OLFM1: variants seen among roughly 807,000 people sequenced by gnomAD.
OLFM1 encodes olfactomedin 1, also known as noelin.
In OLFM1, 9 loss-of-function variants were observed where a neutral mutation model predicts 49.7. The observed-to-expected ratio is 0.18, with a 90% CI of 0.11 to 0.32. OLFM1 has a LOEUF of 0.32. OLFM1 is among the 10% of genes least tolerant of loss of function. The pLI is 1.00. For synonymous variants in OLFM1, 240 were observed against 271.8 expected, an observed-to-expected ratio of 0.88 and a Z score of 1.15; for missense variants, 369 against 661.8, an observed-to-expected ratio of 0.56 and a Z score of 4.85.
Position 135,087,793 on chromosome 9 carries a change from C to T in OLFM1, c.-197C>T. On this transcript the variant is annotated 5_prime_UTR_variant, in exon 1 of 6. Transcript: ENST00000371793. ...GGGCAGAGGCCACCTGGCCACCTTCCCTGGCGCCCGGGGAAGGCGCGGCGA... is the reference window on the plus strand; with the variant it reads ...GGGCAGAGGCCACCTGGCCACCTTCTCTGGCGCCCGGGGAAGGCGCGGCGA... 1.5e-6 allele frequency: 1 copy of T among 686,286 alleles called. No homozygotes were observed. Among genetic ancestry groups the T allele is most frequent in the Non-Finnish European group, 1.8e-6 (1 of 559,422 alleles). 42.5% of individuals were successfully genotyped at this position (686,286 alleles called of 1,614,324 possible).
intron 1 of OLFM1, chr9:135,076,274 C>A: frequency 6.4e-7 from 1 of 1,550,532 alleles, no homozygotes; most frequent in Non-Finnish European, 8.7e-7. Context: ...GCTCCAGAAA[C>A]AGGCGGTGGG....
chr9:135,075,868 A>G (rs1297389610), intron 1 of OLFM1: 8 of 1,496,740 alleles, frequency 5.3e-6, no homozygotes, highest in Non-Finnish European at 7.2e-6. Flanking sequence ...GGAGCCCCAC[A>G]AAGTCCGGGA....
At chr9:135,096,941 A>G (rs1339162859) in intron 3 of OLFM1, among the ~76,000 whole-genome samples, 2 of 152,242 alleles carry the variant, frequency 1.3e-5, no homozygotes, top group African/African-American at 4.8e-5. Flanking sequence ...GCAGCCAGGT[A>G]GAGAGATGCC....
intron 5 of OLFM1, among the ~76,000 whole-genome samples, chr9:135,116,435 A>C (rs980857751): frequency 3.9e-5 from 6 of 152,158 alleles, no homozygotes; most frequent in Non-Finnish European, 7.3e-5. Flanking sequence ...CTGGAAGAGA[A>C]GGTGATTTAA....
intron 1 of OLFM1, among the ~76,000 whole-genome samples, chr9:135,081,848 G>A (rs888548651): frequency 3.9e-4 from 59 of 152,176 alleles, no homozygotes; most frequent in African/African-American, 1.0e-3. Flanking sequence ...TAAACTGCCC[G>A]ACACGTGCAC....
upstream of OLFM1, chr9:135,087,394 G>A: frequency 2.6e-6 from 4 of 1,546,740 alleles, no homozygotes; most frequent in Non-Finnish European, 3.5e-6. Context: ...CCCCGGGACG[G>A]GAGGGCCGCG....
At position 135,097,694 on chromosome 9, in the gene OLFM1, A is replaced by G. The variant is rs975739189; in HGVS notation, c.457-592A>G. 4 of 1,079,810 alleles carry G rather than the reference A, an allele frequency of 3.7e-6. No homozygotes were observed. In the African/African-American group the frequency reaches 4.6e-5, roughly 13 times the overall value. 66.9% of individuals were successfully genotyped at this position (1,079,810 alleles called of 1,614,324 possible). On this transcript the variant is annotated intron_variant, in intron 3 of 5. Coordinates refer to ENST00000371793, the MANE Select transcript of OLFM1 (RefSeq NM_001282611.2). ...TACAGTGGGATTTTTCTAACTGACCATGCAAATATGTGTTTCCTGATGGCT... is the reference window on the plus strand; with the variant it reads ...TACAGTGGGATTTTTCTAACTGACCGTGCAAATATGTGTTTCCTGATGGCT...
At chr9:135,106,930 G>T in intron 5 of OLFM1, 75 bp downstream of exon 5, 1 of 1,217,038 alleles carries the variant, frequency 8.2e-7, no homozygotes, top group African/African-American at 1.5e-5. Flanking sequence ...CCCAGACATG[G>T]GTACAAGCCA....
At chr9:135,092,149 G>C (rs1830725618) in intron 2 of OLFM1, among the ~76,000 whole-genome samples, 1 of 152,214 alleles carries the variant, frequency 6.6e-6, no homozygotes, top group Non-Finnish European at 1.5e-5. Flanking sequence ...GACCCGACTC[G>C]GGTCCACATT....
Position 135,088,518 on chromosome 9 carries a change from T to TCACA in OLFM1, c.150+381_150+384dup, listed in dbSNP as rs1830633609. On this transcript the variant is annotated intron_variant, in intron 1 of 5. Coordinates refer to ENST00000371793, the MANE Select transcript of OLFM1 (RefSeq NM_001282611.2). This position sits in a 1 kb window ranked among gnomAD's most constrained non-coding sequence, Gnocchi z 4.8. ...TGGGGACTTGGGGACTTGTCCAAGG[T>TCACA]CACACTCAGCGAGTGAGGGGTGGAG... Among the ~76,000 whole-genome samples the TCACA allele has an allele frequency of 6.6e-6, 1 of 151,940 alleles. No individual in the cohort carries two copies. The highest frequency in any genetic ancestry group is 2.1e-4 in the South Asian group (1 of 4,818).
chr9:135,106,037 C>T (rs1830938127), intron 4 of OLFM1: 1 of 152,550 alleles, frequency 6.6e-6, no homozygotes, highest in Non-Finnish European at 1.5e-5. Flanking sequence ...GGGTGTGTCC[C>T]TCCTCACCTC....
intron 1 of OLFM1, among the ~76,000 whole-genome samples, chr9:135,078,240 G>A (rs78284424): frequency 0.02 from 3,068 of 152,322 alleles, 99 homozygotes; most frequent in African/African-American, 0.07. Context: ...CGCTTCCACT[G>A]TAGGTAAATT....
At chr9:135,075,554 G>C in exon 1 of OLFM1, 1 of 410,902 alleles carries the variant, frequency 2.4e-6, no homozygotes, top group Non-Finnish European at 4.2e-6. Context: ...GAGGCTTCGC[G>C]CAGCAGAGCC....
At position 135,119,829 on chromosome 9, in the gene OLFM1, C is replaced by T; in HGVS notation, c.1109C>T (p.Thr370Ile). ...DESGLWAVYA[T>I]NQNAGNIVVS... ...AGCGGGCTGTGGGCCGTGTACGCCA[C>T]CAACCAGAACGCTGGCAACATCGTG... The change falls in exon 6 of 6, where the codon ACC (threonine) becomes ATC (isoleucine). Residue 370 changes from threonine to isoleucine, a missense_variant. Coordinates refer to ENST00000371793, the MANE Select transcript of OLFM1 (RefSeq NM_001282611.2). 6.2e-7 allele frequency: 1 copy of T among 1,613,858 alleles called. No homozygotes were observed. The highest frequency in any genetic ancestry group is 8.5e-7 in the Non-Finnish European group (1 of 1,180,044).
Position 135,090,359 on chromosome 9 carries a change from A to G in OLFM1, c.300+15A>G, listed in dbSNP as rs1830665624. ...TACTGGAGAAGGTGAGTCTGCGCAG[A>G]GTGTGTGAGTTTGTATGTGTGTGTG... On this transcript the variant is annotated intron_variant, in intron 2 of 5. Coordinates refer to ENST00000371793, the MANE Select transcript of OLFM1 (RefSeq NM_001282611.2). 1 of 1,596,790 alleles carries G rather than the reference A, an allele frequency of 6.3e-7. No homozygotes were observed.
At chr9:135,097,826 C>T in intron 3 of OLFM1, 4 of 1,613,002 alleles carry the variant, frequency 2.5e-6, no homozygotes, top group Non-Finnish European at 3.4e-6. Flanking sequence ...ACTGAAGAAG[C>T]AGTCCACTCC....
intron 5 of OLFM1, among the ~76,000 whole-genome samples, chr9:135,111,879 T>TC (rs926410955): frequency 6.6e-6 from 1 of 151,750 alleles, no homozygotes; most frequent in Non-Finnish European, 1.5e-5. Flanking sequence ...CCGGCTATTT[T>TC]TTTTCTGTGT....
Position 135,110,258 on chromosome 9 carries a change from G to C in OLFM1, c.783+3403G>C, listed in dbSNP as rs1831003850. 1.3e-5 allele frequency among the ~76,000 whole-genome samples: 2 copies of C among 152,122 alleles called. 1 individual carries two copies. The highest frequency in any genetic ancestry group is 4.1e-4 in the South Asian group (2 of 4,824). On this transcript the variant is annotated intron_variant, in intron 5 of 5. Coordinates refer to ENST00000371793, the MANE Select transcript of OLFM1 (RefSeq NM_001282611.2). ...TCCCCAGCTCGGAGGCTTCTGGCCT[G>C]CTCTGACCATGGCCTGCCTTCCAGA... is the stretch of plus-strand genomic sequence containing the variant.
chr9:135,112,760 G>A (rs551238690), intron 5 of OLFM1, among the ~76,000 whole-genome samples: 25 of 152,354 alleles, frequency 1.6e-4, no homozygotes, highest in African/African-American at 4.1e-4. Context: ...GGAGGATGGC[G>A]GCGTGAGAGC....
Sources: gnomAD v4.1 joint callset for allele counts (sites outside exome capture counted in the v4.1 genomes callset) on GRCh38, gnomAD v4.1.1 for gene constraint, Gnocchi (gnomAD v3.1) non-coding constraint, MANE v1.5 for transcripts, NCBI Gene and HGNC (gene_info 2026-07-23, HGNC 2026-07-21) for gene names.